Variants in C4orf54 observed in about 807,000 individuals in gnomAD.
C4orf54 encodes uncharacterized protein C4orf54.
C4orf54 carries 67 observed loss-of-function variants against 80.1 expected under a neutral mutation model. The observed-to-expected ratio is 0.84, with a 90% CI of 0.69 to 1.03. The LOEUF (loss-of-function observed/expected upper bound fraction) is 1.03, where lower values mean the gene tolerates loss of function less well. Among genes scored for constraint, C4orf54 ranks in the 50% least tolerant of loss-of-function variants. The pLI is 0.00. For missense variants in C4orf54, 2,434 were observed against 2,253.5 expected (o/e 1.08, Z -1.62); for synonymous variants, 1,000 against 917.0 (o/e 1.09, Z -1.64).
chr4:99,645,410 T>TAAAAAAAAAAA (rs70958324), intron 2 of C4orf54, among the ~76,000 whole-genome samples: 15 of 55,804 alleles, frequency 2.7e-4, no homozygotes, highest in African/African-American at 5.6e-4. Context: ...AGGCTTACAG[T>TAAAAAAAAAAA]AAAAAAAAAA....
At chr4:99,655,856 C>T (rs954239250) in intron 1 of C4orf54, among the ~76,000 whole-genome samples, 3 of 152,198 alleles carry the variant, frequency 2.0e-5, no homozygotes, top group Non-Finnish European at 2.9e-5. Flanking sequence ...TTTTAAACAA[C>T]CACATTTGCA....
Position 99,649,329 on chromosome 4 carries a change from G to T in C4orf54, c.5320C>A (p.Arg1774=). 3 of 1,535,920 alleles carry T rather than the reference G, an allele frequency of 2.0e-6. No individual in the cohort carries two copies. Among genetic ancestry groups the T allele is most frequent in the Non-Finnish European group, 2.6e-6 (3 of 1,146,776 alleles). ...TCAAAGGAAGGGGGAGCAATGATCCGTGGCCCCAGGGGCTGCGAAGTAATG... is the reference window on the plus strand; with the variant it reads ...TCAAAGGAAGGGGGAGCAATGATCCTTGGCCCCAGGGGCTGCGAAGTAATG... The part of the protein sequence containing the change: ...ISITSQPLGP[R]IIAPPSFDGT... Residue 1774 remains arginine, a synonymous_variant, in exon 2 of 3, where the codon CGG becomes AGG. Coordinates refer to ENST00000511828, the MANE Select transcript of C4orf54 (RefSeq NM_001354435.2).
rs1227676463 is a variant in C4orf54 at position 99,637,464 on chromosome 4, G to C, written c.*3769C>G. The C allele has an allele frequency of 6.6e-6, 1 of 152,082 alleles. No individual in the cohort carries two copies. The highest frequency in any genetic ancestry group is 6.6e-5 in the Admixed American group (1 of 15,256). 9.4% of individuals were successfully genotyped at this position (152,082 alleles called of 1,614,324 possible). ...AGTCTGCAATTCTGATTAGATTCAA[G>C]CTTAAGGCACCAATTAGCAAGTGCT... On this transcript the variant is annotated 3_prime_UTR_variant, in exon 3 of 3. Coordinates refer to ENST00000511828, the MANE Select transcript of C4orf54 (RefSeq NM_001354435.2).
rs1726801937 is a variant in C4orf54, at chr4:99,650,712, A to C, written c.3937T>G (p.Ser1313Ala). 1.3e-6 allele frequency: 2 copies of C among 1,535,876 alleles called. No individual in the cohort carries two copies. Among genetic ancestry groups the C allele is most frequent in the African/African-American group, 2.7e-5 (2 of 72,986 alleles). ...VVADGDHDKL[S>A]KRLGEVEERG... is the part of the protein sequence containing the mutation. Reference sequence around the variant, plus strand: ...TCTTCCACCTCACCCAGCCGTTTGGACAGCTTGTCGTGGTCTCCATCAGCA... The same window carrying C: ...TCTTCCACCTCACCCAGCCGTTTGGCCAGCTTGTCGTGGTCTCCATCAGCA... Residue 1313 changes from serine to alanine, a missense_variant, in exon 2 of 3, where the codon TCC becomes GCC. Ser to Ala is a moderately conservative substitution (Grantham distance 99). Transcript: ENST00000511828.
chr4:99,649,991 T>C lies in C4orf54; in HGVS notation c.4658A>G (p.Glu1553Gly), dbSNP rs1334605735. The C allele has an allele frequency of 2.6e-6, 4 of 1,533,628 alleles. No homozygotes were observed. The South Asian group carries it at 4.8e-5, about 18-fold the overall frequency. Residue 1553 changes from glutamate to glycine, a missense_variant, in exon 2 of 3, where the codon GAG (glutamate) becomes GGG (glycine). Physicochemically the swap from Glu to Gly is moderately conservative, Grantham distance 98 (BLOSUM62 -2). Coordinates refer to ENST00000511828, the MANE Select transcript of C4orf54 (RefSeq NM_001354435.2). ...GTGGTAGATGGTGGTGGGGGGATGC[T>C]CGGGGCTCTGTGGCCCTGGGGGGGC... Reference protein sequence around the residue: ...VAAPPGPQSPEHPPTTIYHQP... With the variant: ...VAAPPGPQSPGHPPTTIYHQP...
rs1726859123 is a variant in C4orf54, at chr4:99,652,342, G to T, written c.2307C>A (p.Gly769=). The T allele has an allele frequency of 3.9e-6, 6 of 1,536,020 alleles. No homozygotes were observed. In the East Asian group the frequency reaches 1.5e-4, roughly 38 times the overall value. The change falls in exon 2 of 3, where the codon GGC becomes GGA. Residue 769 remains glycine (G), a synonymous_variant. Coordinates refer to ENST00000511828, the MANE Select transcript of C4orf54 (RefSeq NM_001354435.2). ...ESKASSAPGP[G]RATKGPGKGP... Reference sequence around the variant, plus strand: ...CCTTGCCGGGGCCTTTGGTGGCCCTGCCGGGCCCAGGGGCCGAGCTGGCTT... The same window carrying T: ...CCTTGCCGGGGCCTTTGGTGGCCCTTCCGGGCCCAGGGGCCGAGCTGGCTT...
At chr4:99,655,490 A>G (rs922652699) in intron 1 of C4orf54, among the ~76,000 whole-genome samples, 14 of 152,226 alleles carry the variant, frequency 9.2e-5, no homozygotes, top group African/African-American at 2.9e-4. Context: ...CACTGAGTCA[A>G]AAAGCAAAAG....
intron 1 of C4orf54, among the ~76,000 whole-genome samples, chr4:99,655,627 C>T (rs1342751462): frequency 6.6e-6 from 1 of 152,170 alleles, no homozygotes; most frequent in Non-Finnish European, 1.5e-5. Context: ...CTCTGAGGTA[C>T]CTCCATTTCA....
intron 2 of C4orf54, among the ~76,000 whole-genome samples, chr4:99,642,739 G>A (rs1726627066): frequency 6.6e-6 from 1 of 152,210 alleles, no homozygotes; most frequent in African/African-American, 2.4e-5. Flanking sequence ...ACTACCCTGT[G>A]TCACCAGGGA....
Position 99,651,785 on chromosome 4 carries a change from C to G in C4orf54, c.2864G>C (p.Arg955Thr). The change falls in exon 2 of 3, where the codon AGG (arginine) becomes ACG (threonine). Residue 955 changes from arginine (R) to threonine (T), a missense_variant. By Grantham distance (71) the Arg-to-Thr change is moderately conservative (BLOSUM62 -1). Transcript: ENST00000511828. The stretch of plus-strand genomic sequence containing the variant: ...CTTCCCTATAGGGGCTTGTTCCTCC[C>G]TCTTCTCGGCCTCTTTCTCCTTCCA... ...RSWKEKEAEK[R>T]EEQAPIGKLK... 1 of 1,536,118 alleles carries G rather than the reference C, an allele frequency of 6.5e-7. No homozygotes were observed. Among genetic ancestry groups the G allele is most frequent in the South Asian group, 1.2e-5 (1 of 84,058 alleles).
At chr4:99,646,052 T>A (rs1193727474) in intron 2 of C4orf54, among the ~76,000 whole-genome samples, 2 of 152,116 alleles carry the variant, frequency 1.3e-5, no homozygotes, top group Non-Finnish European at 2.9e-5. Context: ...AAGGAACATT[T>A]ATAAGAGAAT....
rs1353578745 is a variant in C4orf54, at chr4:99,654,188, G to A, written c.461C>T (p.Ser154Leu). The A allele has an allele frequency of 2.8e-5, 43 of 1,536,048 alleles. No individual in the cohort carries two copies. The highest frequency in any genetic ancestry group is 1.7e-4 in the Middle Eastern group (1 of 6,012). Residue 154 changes from serine (S) to leucine (L), a missense_variant, in exon 2 of 3, where the codon TCG becomes TTG. By Grantham distance (145) the Ser-to-Leu change is moderately radical (BLOSUM62 -2). Coordinates refer to ENST00000511828, the MANE Select transcript of C4orf54 (RefSeq NM_001354435.2). ...IMEAAPPELN[S>L]KARQAEVGDG... ...CCCCACCTCCGCCTGTCTTGCTTTC[G>A]AATTCAGCTCAGGAGGGGCAGCTTC...
chr4:99,643,705 T>A (rs1239162363), intron 2 of C4orf54, among the ~76,000 whole-genome samples: 1 of 146,740 alleles, frequency 6.8e-6, no homozygotes, highest in African/African-American at 2.5e-5. Context: ...GTTTCTTACC[T>A]TATTCCCTTT....
chr4:99,643,788 ACACACC>A (rs1446956263), intron 2 of C4orf54, among the ~76,000 whole-genome samples: 1,372 of 111,278 alleles, frequency 0.012, 21 homozygotes, highest in African/African-American at 0.019. Context: ...ACACACACAC[ACACACC>A]CCCTCCGCGG....
rs573859201 is a variant in C4orf54, at chr4:99,652,595, G to C, written c.2054C>G (p.Ala685Gly). Residue 685 changes from alanine (A) to glycine (G), a missense_variant, in exon 2 of 3, where the codon GCG (alanine) becomes GGG (glycine). Ala to Gly is a moderately conservative substitution (Grantham distance 60, BLOSUM62 0). Coordinates refer to ENST00000511828, the MANE Select transcript of C4orf54 (RefSeq NM_001354435.2). ...RVEQSLLRSS[A>G]ASVAAGLRKG... ...CCTCAGACCTGCAGCCACAGAGGCC[G>C]CGCTGCTCCTGAGGAGGCTCTGCTC... The C allele has an allele frequency of 4.3e-5, 66 of 1,536,016 alleles. 1 individual carries two copies. The South Asian group carries it at 7.6e-4, about 18-fold the overall frequency.
At position 99,650,782 on chromosome 4, in the gene C4orf54, G is replaced by A. The variant is rs1264348036; in HGVS notation, c.3867C>T (p.His1289=). ...SDPLPMMMDS[H]VLSLIASEER... The stretch of plus-strand genomic sequence containing the variant: ...CCTCACTGGCAATGAGCGACAGCAC[G>A]TGGCTGTCCATCATCATAGGCAAGG... The change falls in exon 2 of 3, where the codon CAC becomes CAT. Residue 1289 remains histidine (H), a synonymous_variant. Transcript: ENST00000511828. 4 of 1,536,164 alleles carry A rather than the reference G, an allele frequency of 2.6e-6. No homozygotes were observed. In the South Asian group the frequency reaches 3.6e-5, roughly 14 times the overall value.
At chr4:99,657,138 C>T (rs1420163625) in intron 1 of C4orf54, among the ~76,000 whole-genome samples, 1 of 152,336 alleles carries the variant, frequency 6.6e-6, no homozygotes, top group East Asian at 1.9e-4. Flanking sequence ...CTAACCGTGT[C>T]TTGGACGATA....
rs1277827592 is a variant in C4orf54, at chr4:99,652,822, G to T, written c.1827C>A (p.Ala609=). The change falls in exon 2 of 3, where the codon GCC becomes GCA. Residue 609 remains alanine, a synonymous_variant. Transcript: ENST00000511828. ...CGTCCAGTTCGCTCACGGCACTGGA[G>T]GCTCCGCTGGAGTAGTCCACCAGCT... ...AKELVDYSSG[A]SSAVSELDDA... The T allele has an allele frequency of 2.0e-6, 3 of 1,536,116 alleles. No individual in the cohort carries two copies. The highest frequency in any genetic ancestry group is 2.6e-6 in the Non-Finnish European group (3 of 1,146,902).
At position 99,652,900 on chromosome 4, in the gene C4orf54, G is replaced by A. The variant is rs995386429; in HGVS notation, c.1749C>T (p.Phe583=). The A allele has an allele frequency of 2.6e-6, 4 of 1,536,174 alleles. No individual in the cohort carries two copies. The highest frequency in any genetic ancestry group is 1.7e-4 in the Middle Eastern group (1 of 5,990). ...AAVAQDHAKK[F]IAVPARLQTR... is the part of the protein sequence containing the mutation. ...TTTGCAGGCGAGCAGGTACAGCAAT[G>A]AATTTCTTTGCATGGTCCTGAGCCA... Residue 583 remains phenylalanine, a synonymous_variant, in exon 2 of 3, where the codon TTC becomes TTT. Transcript: ENST00000511828.
Sources: gnomAD v4.1 joint callset for allele counts (sites outside exome capture counted in the v4.1 genomes callset) on GRCh38, gnomAD v4.1.1 for gene constraint, MANE v1.5 for transcripts, NCBI Gene and HGNC (gene_info 2026-07-23, HGNC 2026-07-21) for gene names.